Variants in PDE4D observed in about 807,000 individuals in gnomAD.
PDE4D encodes the protein phosphodiesterase 4D, also known as 3',5'-cyclic-AMP phosphodiesterase 4D.
In PDE4D, 24 loss-of-function variants were observed where a neutral mutation model predicts 87.4. The ratio of observed to expected loss-of-function variants is 0.27; its 90% confidence interval spans 0.20 to 0.39. The LOEUF (loss-of-function observed/expected upper bound fraction) is 0.39, where lower values mean the gene tolerates loss of function less well. Ranked by LOEUF, PDE4D falls within the 10% of genes least tolerant of loss-of-function variation. The pLI, the probability that PDE4D is intolerant of heterozygous loss-of-function variation, is 1.00. For missense variants in PDE4D, 714 were observed against 1,041.0 expected (o/e 0.69, Z 4.32); for synonymous variants, 384 against 383.2 (o/e 1.00, Z -0.02).
At chr5:59,243,108 G>C (rs1758012078) in intron 1 of PDE4D, among the ~76,000 whole-genome samples, 1 of 152,128 alleles carries the variant, frequency 6.6e-6, no homozygotes, top group Non-Finnish European at 1.5e-5. Flanking sequence ...ACCAGATTGA[G>C]TAAAATGATT....
intron 5 of PDE4D, among the ~76,000 whole-genome samples, chr5:59,110,382 C>A (rs1772402224): frequency 6.6e-6 from 1 of 152,140 alleles, no homozygotes; most frequent in African/African-American, 2.4e-5. Flanking sequence ...GGCGATACCC[C>A]TAGTAACTCC....
intron 1 of PDE4D, among the ~76,000 whole-genome samples, chr5:60,478,503 C>T (rs1748494338): frequency 1.3e-5 from 2 of 152,182 alleles, no homozygotes; most frequent in African/African-American, 4.8e-5. Context: ...GAAACTATTC[C>T]TTCCTTCATC....
chr5:59,641,937 A>G (rs533505395), intron 1 of PDE4D, among the ~76,000 whole-genome samples: 29 of 152,172 alleles, frequency 1.9e-4, no homozygotes, highest in Non-Finnish European at 4.0e-4. Context: ...CTAAAGAAAT[A>G]AATAAATGAA....
chr5:59,593,319 CA>C (rs35227171), intron 1 of PDE4D, among the ~76,000 whole-genome samples: 2,572 of 112,304 alleles, frequency 0.023, 49 homozygotes, highest in African/African-American at 0.072. Context: ...TAATGGCTCT[CA>C]AAAAAAAAAA....
chr5:60,118,020 T>C (rs1053625701), intron 2 of PDE4D, among the ~76,000 whole-genome samples: 2 of 152,210 alleles, frequency 1.3e-5, no homozygotes, highest in Non-Finnish European at 2.9e-5. Flanking sequence ...GTTTGACATT[T>C]GTATATCTTG....
chr5:60,114,368 AATTGGTC>A (rs1562112179), intron 2 of PDE4D, among the ~76,000 whole-genome samples: 1 of 152,240 alleles, frequency 6.6e-6, no homozygotes, highest in South Asian at 2.1e-4. Context: ...TCTCACTTGT[AATTGGTC>A]ATTATGTGCT....
chr5:59,288,126 G>C (rs769779359), intron 1 of PDE4D, among the ~76,000 whole-genome samples: 3 of 151,996 alleles, frequency 2.0e-5, no homozygotes, highest in Non-Finnish European at 4.4e-5. Context: ...ACTAAATAAG[G>C]CATCAGTGAC....
Position 59,668,918 on chromosome 5 carries a change from G to GAAGAAGA in PDE4D, c.455+224249_455+224250insTCTTCTT, listed in dbSNP as rs1364102706. Among the ~76,000 whole-genome samples the GAAGAAGA allele has an allele frequency of 1.1e-3, 81 of 71,090 alleles. No individual in the cohort carries two copies. The East Asian group carries it at 0.017, about 15-fold the overall frequency. The allele number at this position is 71,090 out of a possible 152,430, so 46.6% of individuals were successfully genotyped here. A position where few individuals can be genotyped will look rare whatever the true frequency, so the allele number is the denominator to read the frequency against. On this transcript the variant is annotated intron_variant, in intron 1 of 14. Coordinates refer to ENST00000340635, the MANE Select transcript of PDE4D (RefSeq NM_001104631.2). ...AGAAGAAGAAGAAGAAGAAGAAGAA[G>GAAGAAGA]AAGAAAGAAAGAAAGAATTAGTTCA...
chr5:60,109,391 G>A (rs909867200), intron 2 of PDE4D, among the ~76,000 whole-genome samples: 1 of 151,552 alleles, frequency 6.6e-6, no homozygotes, highest in Non-Finnish European at 1.5e-5. Context: ...GGAGAAATAG[G>A]AACACTTTTA....
At chr5:59,159,301 G>GT (rs1409064825) in intron 5 of PDE4D, among the ~76,000 whole-genome samples, 2 of 100,816 alleles carry the variant, frequency 2.0e-5, no homozygotes, top group African/African-American at 7.2e-5. Flanking sequence ...GCTAATTTTT[G>GT]TATTTTTTTT....
At chr5:60,286,887 ATATCT>A (rs772965753) in intron 1 of PDE4D, among the ~76,000 whole-genome samples, 41 of 152,284 alleles carry the variant, frequency 2.7e-4, no homozygotes, top group Non-Finnish European at 4.3e-4. Context: ...TTAATGGAAA[ATATCT>A]TAGCCACAAA....
intron 1 of PDE4D, among the ~76,000 whole-genome samples, chr5:60,507,831 T>C (rs1408885884): frequency 6.6e-6 from 1 of 152,224 alleles, no homozygotes; most frequent in African/African-American, 2.4e-5. Flanking sequence ...CTTCCTTCTA[T>C]AAAAATATTC....
At chr5:59,086,531 C>T (rs1767712042) in intron 5 of PDE4D, among the ~76,000 whole-genome samples, 1 of 152,078 alleles carries the variant, frequency 6.6e-6, no homozygotes, top group South Asian at 2.1e-4. Context: ...CTACTCATTG[C>T]CTGTGTGAGT....
intron 1 of PDE4D, among the ~76,000 whole-genome samples, chr5:60,493,902 A>G (rs1749673279): frequency 6.6e-6 from 1 of 152,188 alleles, no homozygotes. Context: ...ACCACTTACC[A>G]CATAAATTAG....
chr5:59,281,737 C>T (rs1047634336), intron 1 of PDE4D, among the ~76,000 whole-genome samples: 1 of 152,096 alleles, frequency 6.6e-6, no homozygotes, highest in African/African-American at 2.4e-5. Context: ...TCTCCCAGCC[C>T]CTGACAAGCA....
chr5:60,497,052 C>T (rs1286733942), intron 1 of PDE4D, among the ~76,000 whole-genome samples: 1 of 152,140 alleles, frequency 6.6e-6, no homozygotes, highest in Admixed American at 6.5e-5. Flanking sequence ...CATGAATATG[C>T]TTTTGCAAAC....
chr5:58,996,633 T>C (rs1362508859), intron 6 of PDE4D, among the ~76,000 whole-genome samples: 1 of 152,170 alleles, frequency 6.6e-6, no homozygotes, highest in Non-Finnish European at 1.5e-5. Flanking sequence ...AGAGACCCAG[T>C]TATCACAGGT....
At chr5:59,639,812 AGTGTGTGTGTGTGTGTGT>A (rs70975323) in intron 1 of PDE4D, among the ~76,000 whole-genome samples, 7 of 143,622 alleles carry the variant, frequency 4.9e-5, no homozygotes, top group African/African-American at 1.6e-4. Context: ...TAGTGTCTAT[AGTGTGTGTGTGTGTGTGT>A]GTGTGTGTGT....
intron 1 of PDE4D, chr5:60,431,164 C>A: frequency 5.0e-6 from 1 of 198,326 alleles, no homozygotes; most frequent in South Asian, 6.5e-5. Flanking sequence ...GCTGGCCGGG[C>A]GGGGGGCTGA....
Sources: allele counts gnomAD v4.1 joint callset (sites outside exome capture counted in the v4.1 genomes callset), GRCh38; gene constraint gnomAD v4.1.1; transcripts MANE v1.5; gene names NCBI Gene and HGNC (gene_info 2026-07-23, HGNC 2026-07-21).